The following CTTNBP2 variants were observed in gnomAD, a reference collection of about 807,000 sequenced individuals.
CTTNBP2 encodes the protein cortactin binding protein 2.
CTTNBP2 carries 108 observed loss-of-function variants against 156.9 expected under a neutral mutation model. That is an observed-to-expected ratio of 0.69 (90% confidence interval 0.59 to 0.81). The LOEUF is 0.81. CTTNBP2 is among the 30% of genes least tolerant of loss of function. The pLI, the probability that CTTNBP2 is intolerant of heterozygous loss-of-function variation, is 0.00. For synonymous variants in CTTNBP2, 767 were observed against 751.8 expected (o/e 1.02, Z -0.33); for missense variants, 1,924 against 2,035.4 (o/e 0.95, Z 1.05).
intron 2 of CTTNBP2, among the ~76,000 whole-genome samples, chr7:117,826,275 G>C (rs998527414): frequency 3.3e-5 from 5 of 152,010 alleles, no homozygotes; most frequent in African/African-American, 7.2e-5. Flanking sequence ...TCCATGCAGA[G>C]AGAAAATATA....
chr7:117,760,808 T>G, intron 9 of CTTNBP2, 98 bp from the exon 10 acceptor site: 1 of 803,718 alleles, frequency 1.2e-6, no homozygotes, highest in Non-Finnish European at 1.9e-6. Flanking sequence ...CATTTAAAAA[T>G]TATAAACCAA....
chr7:117,854,264 CA>C (rs2117208270), intron 2 of CTTNBP2, among the ~76,000 whole-genome samples: 1 of 152,230 alleles, frequency 6.6e-6, no homozygotes, highest in Non-Finnish European at 1.5e-5. Context: ...ATGAACAGCA[CA>C]AAAAGGGTAT....
chr7:117,825,776 C>T (rs1262371758), intron 2 of CTTNBP2, among the ~76,000 whole-genome samples: 3 of 152,122 alleles, frequency 2.0e-5, no homozygotes, highest in Admixed American at 6.5e-5. Context: ...AGAAATAATG[C>T]ATGTAAGGCA....
intron 2 of CTTNBP2, among the ~76,000 whole-genome samples, chr7:117,841,982 G>A (rs1802302509): frequency 6.6e-6 from 1 of 152,118 alleles, no homozygotes; most frequent in South Asian, 2.1e-4. Context: ...TCCCTGGCTT[G>A]GGGGAGAGCA....
chr7:117,803,233 C>T (rs1799734156), intron 3 of CTTNBP2, among the ~76,000 whole-genome samples: 1 of 152,152 alleles, frequency 6.6e-6, no homozygotes, highest in Non-Finnish European at 1.5e-5. Flanking sequence ...GAAATCATGT[C>T]CTTTGCAGCA....
intron 2 of CTTNBP2, among the ~76,000 whole-genome samples, chr7:117,844,772 G>C (rs573663440): frequency 6.6e-6 from 1 of 152,134 alleles, no homozygotes; most frequent in South Asian, 2.1e-4. Context: ...TTGCCAGAGC[G>C]AGGGGAGGAA....
Position 117,792,522 on chromosome 7 carries a change from G to A in CTTNBP2, c.674C>T (p.Ala225Val). 6.2e-7 allele frequency: 1 copy of A among 1,614,170 alleles called. No homozygotes were observed. The highest frequency in any genetic ancestry group is 8.5e-7 in the Non-Finnish European group (1 of 1,180,028). Reference sequence around the variant, plus strand: ...CTCAGAGAGTTGTTTTTCCATCTGAGCTTCCATTTCTGTGCTTCTTCGTTT... The same window carrying A: ...CTCAGAGAGTTGTTTTTCCATCTGAACTTCCATTTCTGTGCTTCTTCGTTT... ...AEKRRSTEME[A>V]QMEKQLSEFD... The change falls in exon 4 of 23, where the codon GCT (alanine) becomes GTT (valine). Residue 225 changes from alanine (A) to valine (V), a missense_variant. Transcript: ENST00000160373. This position sits in a 1 kb window ranked among gnomAD's most constrained non-coding sequence, Gnocchi z 4.2.
At position 117,864,826 on chromosome 7, in the gene CTTNBP2, A is replaced by C. The variant is rs183576573; in HGVS notation, c.82-3510T>G. Among the ~76,000 whole-genome samples, 179 of 141,994 alleles carry C rather than the reference A, an allele frequency of 1.3e-3. 1 individual carries two copies. The highest frequency in any genetic ancestry group is 4.3e-3 in the African/African-American group (167 of 39,134). The allele number at this position is 141,994 out of a possible 152,430, so 93.2% of individuals were successfully genotyped here. ...ATTCATATATATTCATTCAATATAT[A>C]TTCATATATATTCATTCTATATTCA... On this transcript the variant is annotated intron_variant, in intron 1 of 22. Transcript: ENST00000160373.
chr7:117,792,730 GCTT>G lies in CTTNBP2; in HGVS notation c.463_465del (p.Lys155del), dbSNP rs1799102374. The stretch of plus-strand genomic sequence containing the variant: ...CGCTCTTCCTCAAGGCGGGCAGCCA[GCTT>G]CTTGTGCTCTTGCTCAAGGGCTTGT... On this transcript the variant is annotated inframe_deletion, in exon 4 of 23. Coordinates refer to ENST00000160373, the MANE Select transcript of CTTNBP2 (RefSeq NM_033427.3). The surrounding 1 kb of genome is among the most constrained non-coding windows in gnomAD (Gnocchi z 4.2). 1 of 1,606,268 alleles carries G rather than the reference GCTT, an allele frequency of 6.2e-7. No homozygotes were observed.
intron 12 of CTTNBP2, 124 bp downstream of exon 12, chr7:117,756,431 G>A (rs879842300): frequency 1.1e-5 from 8 of 729,060 alleles, no homozygotes; most frequent in African/African-American, 5.2e-5. Context: ...GGTGGGGAAG[G>A]TAACGGTGTC....
intron 8 of CTTNBP2, among the ~76,000 whole-genome samples, chr7:117,777,020 A>G (rs1443367821): frequency 6.6e-6 from 1 of 152,214 alleles, no homozygotes; most frequent in Non-Finnish European, 1.5e-5. Context: ...TGTTTCTTTA[A>G]TATTCAGAAT....
At chr7:117,728,357 A>T in intron 16 of CTTNBP2, 90 bp from the exon 17 acceptor site, 1 of 959,756 alleles carries the variant, frequency 1.0e-6, no homozygotes. Flanking sequence ...ACTTTAAATC[A>T]AAATTGAAAA....
At chr7:117,725,400 AAAG>A in intron 17 of CTTNBP2, 143 bp from the exon 18 acceptor site, 1 of 725,150 alleles carries the variant, frequency 1.4e-6, no homozygotes, top group Non-Finnish European at 2.3e-6. Context: ...GGTAGTTTTC[AAAG>A]AAGTGAAATT....
chr7:117,797,131 T>C (rs1799365859), intron 3 of CTTNBP2, among the ~76,000 whole-genome samples: 1 of 152,232 alleles, frequency 6.6e-6, no homozygotes, highest in South Asian at 2.1e-4. Context: ...ACTGGTGATA[T>C]GGGCTTGAGG....
At chr7:117,766,198 T>C (rs1797476047) in intron 9 of CTTNBP2, among the ~76,000 whole-genome samples, 1 of 152,180 alleles carries the variant, frequency 6.6e-6, no homozygotes, top group African/African-American at 2.4e-5. Flanking sequence ...AAGACACTGT[T>C]TCAGACACTG....
At chr7:117,865,268 T>C in intron 1 of CTTNBP2, among the ~76,000 whole-genome samples, 1 of 151,160 alleles carries the variant, frequency 6.6e-6, no homozygotes, top group East Asian at 1.9e-4. Context: ...ACAGCAGACA[T>C]GTTCGCAGAC....
chr7:117,856,998 C>A (rs753103971), intron 2 of CTTNBP2, among the ~76,000 whole-genome samples: 1 of 152,142 alleles, frequency 6.6e-6, no homozygotes, highest in African/African-American at 2.4e-5. Flanking sequence ...AAATTGTGTA[C>A]GCAGATTTTG....
At chr7:117,713,752 A>G (rs1401163807) in intron 22 of CTTNBP2, 1 of 152,200 alleles carries the variant, frequency 6.6e-6, no homozygotes, top group Non-Finnish European at 1.5e-5. Context: ...ACTACCCCTA[A>G]ATCACCAAAG....
chr7:117,834,200 A>G (rs1269168041), intron 2 of CTTNBP2, among the ~76,000 whole-genome samples: 1 of 152,016 alleles, frequency 6.6e-6, no homozygotes, highest in Non-Finnish European at 1.5e-5. Context: ...GACTACAGGC[A>G]CCTGCTACCA....
Sources: gnomAD v4.1 joint callset for allele counts (sites outside exome capture counted in the v4.1 genomes callset) on GRCh38, gnomAD v4.1.1 for gene constraint, Gnocchi (gnomAD v3.1) non-coding constraint, MANE v1.5 for transcripts, NCBI Gene and HGNC (gene_info 2026-07-23, HGNC 2026-07-21) for gene names.